Variants in CSNK1G3 observed in about 807,000 individuals in gnomAD.
CSNK1G3 encodes the protein casein kinase 1 gamma 3.
CSNK1G3 carries 23 observed loss-of-function variants against 64.3 expected under a neutral mutation model. The ratio of observed to expected loss-of-function variants is 0.36; its 90% CI spans 0.26 to 0.51. The LOEUF (loss-of-function observed/expected upper bound fraction) is 0.51. CSNK1G3 is among the 20% of genes least tolerant of loss of function. The pLI is 0.96. For missense variants in CSNK1G3, 357 were observed against 510.5 expected, an observed-to-expected ratio of 0.70 and a Z score of 2.90; for synonymous variants, 158 against 162.2, an observed-to-expected ratio of 0.97 and a Z score of 0.20.
chr5:123,552,383 A>T (rs370576717), intron 2 of CSNK1G3, among the ~76,000 whole-genome samples: 1 of 152,138 alleles, frequency 6.6e-6, no homozygotes, highest in African/African-American at 2.4e-5. Context: ...TGACTTCATG[A>T]TCCACCTGCC....
chr5:123,537,482 A>G (rs1174668601), intron 1 of CSNK1G3, among the ~76,000 whole-genome samples: 3 of 152,104 alleles, frequency 2.0e-5, no homozygotes, highest in African/African-American at 7.2e-5. Context: ...GGCACAATGT[A>G]CATGTTTTGG....
At chr5:123,547,555 C>T (rs12655826) in intron 2 of CSNK1G3, among the ~76,000 whole-genome samples, 13,195 of 152,024 alleles carry the variant, frequency 0.087, 613 homozygotes, top group South Asian at 0.12. Context: ...CTATATATGT[C>T]ATATACTGAA....
intron 6 of CSNK1G3, among the ~76,000 whole-genome samples, chr5:123,586,257 A>G (rs1362582647): frequency 3.3e-5 from 5 of 152,106 alleles, no homozygotes; most frequent in Non-Finnish European, 5.9e-5. Flanking sequence ...GGCTGATGGT[A>G]TTGTGGGGGT....
chr5:123,544,269 C>A (rs148193899), intron 1 of CSNK1G3, among the ~76,000 whole-genome samples: 3 of 152,146 alleles, frequency 2.0e-5, no homozygotes, highest in African/African-American at 7.2e-5. Context: ...TGCTTTCTTG[C>A]AAAGTGTTTT....
chr5:123,587,986 A>G (rs1791636930), intron 6 of CSNK1G3, 82 bp from the exon 7 acceptor site: 4 of 852,092 alleles, frequency 4.7e-6, no homozygotes, highest in Non-Finnish European at 7.4e-6. Flanking sequence ...ATTAATTTAT[A>G]CATAATGAAA....
At chr5:123,586,414 A>G (rs909591424) in intron 6 of CSNK1G3, among the ~76,000 whole-genome samples, 1 of 152,216 alleles carries the variant, frequency 6.6e-6, no homozygotes, top group Non-Finnish European at 1.5e-5. Flanking sequence ...AATTTTCGTT[A>G]TAAAAGTTAT....
At chr5:123,559,707 T>G (rs1435822332) in intron 4 of CSNK1G3, among the ~76,000 whole-genome samples, 1 of 151,668 alleles carries the variant, frequency 6.6e-6, no homozygotes, top group Non-Finnish European at 1.5e-5. Flanking sequence ...TTGTGGTTTT[T>G]TTTTTTTTTT....
chr5:123,584,094 A>G (rs1484434014), intron 6 of CSNK1G3, among the ~76,000 whole-genome samples: 2 of 152,202 alleles, frequency 1.3e-5, no homozygotes, highest in Non-Finnish European at 1.5e-5. Context: ...TTTTCTACAT[A>G]TACAATCCTG....
intron 1 of CSNK1G3, among the ~76,000 whole-genome samples, chr5:123,533,710 TTC>T (rs966979603): frequency 6.6e-6 from 1 of 151,884 alleles, no homozygotes; most frequent in African/African-American, 2.4e-5. Flanking sequence ...GTTATTATAC[TTC>T]TCAAAAGCCC....
intron 4 of CSNK1G3, among the ~76,000 whole-genome samples, chr5:123,568,026 G>C (rs1787274694): frequency 6.6e-6 from 1 of 152,158 alleles, no homozygotes. Context: ...AGTAGTAGTT[G>C]GTTGGCAAGA....
intron 12 of CSNK1G3, among the ~76,000 whole-genome samples, chr5:123,609,635 A>G (rs2092524575): frequency 6.6e-6 from 1 of 152,152 alleles, no homozygotes; most frequent in Non-Finnish European, 1.5e-5. Context: ...GGAGAGAGCA[A>G]ATGGATTTTA....
At chr5:123,533,682 T>G (rs1398683937) in intron 1 of CSNK1G3, among the ~76,000 whole-genome samples, 3 of 151,852 alleles carry the variant, frequency 2.0e-5, no homozygotes, top group Non-Finnish European at 4.4e-5. Context: ...GCAGCATTAT[T>G]TTCTTATATA....
At position 123,557,492 on chromosome 5, in the gene CSNK1G3, T is replaced by A; in HGVS notation, c.220-3T>A. ...TGTCTTTTTTTGTTTGTTTTTCAAT[T>A]AGGAGCCCATGAAATCAAGAGCACC... is the stretch of plus-strand genomic sequence containing the variant. On this transcript the variant is annotated splice_region_variant and splice_polypyrimidine_tract_variant and intron_variant, in intron 3 of 12. Transcript: ENST00000345990. 1 of 1,604,494 alleles carries A rather than the reference T, an allele frequency of 6.2e-7. No individual in the cohort carries two copies. Among genetic ancestry groups the A allele is most frequent in the Non-Finnish European group, 8.5e-7 (1 of 1,174,858 alleles).
In CSNK1G3 at chr5:123,556,036, C is replaced by G. The variant is rs145894760; in HGVS notation, c.220-1459C>G. ...TGGAAAGTACAGAAAAGTTAAGTAACTTGCTGAAAGTCACACAGCTAGAAA... is the reference window on the plus strand; with the variant it reads ...TGGAAAGTACAGAAAAGTTAAGTAAGTTGCTGAAAGTCACACAGCTAGAAA... On this transcript the variant is annotated intron_variant, in intron 3 of 12. Transcript: ENST00000345990. Among the ~76,000 whole-genome samples the G allele has an allele frequency of 4.9e-3, 751 of 152,148 alleles. 7 individuals carry two copies. Among genetic ancestry groups the G allele is most frequent in the African/African-American group, 0.017 (706 of 41,546 alleles).
chr5:123,588,255 T>C (rs1791687893), intron 7 of CSNK1G3, 102 bp downstream of exon 7: 1 of 1,097,332 alleles, frequency 9.1e-7, no homozygotes. Flanking sequence ...TTTTATTTTG[T>C]AAGTAGGCAT....
At chr5:123,596,469 C>T (rs1477554867) in intron 10 of CSNK1G3, among the ~76,000 whole-genome samples, 1 of 152,042 alleles carries the variant, frequency 6.6e-6, no homozygotes, top group Non-Finnish European at 1.5e-5. Context: ...ACAATTAAGG[C>T]ACTATTAGAA....
chr5:123,601,339 C>T (rs535251865), intron 10 of CSNK1G3, among the ~76,000 whole-genome samples: 130 of 152,162 alleles, frequency 8.5e-4, no homozygotes, highest in Middle Eastern at 3.4e-3. Context: ...CTCAAGTCAC[C>T]GGTGTTAAAT....
At chr5:123,588,230 T>A in intron 7 of CSNK1G3, 77 bp downstream of exon 7, 1 of 1,217,658 alleles carries the variant, frequency 8.2e-7, no homozygotes, top group African/African-American at 1.5e-5. Context: ...ACTAAACAGT[T>A]TTCATATTTT....
At chr5:123,612,319 T>A (rs1379982731) in intron 12 of CSNK1G3, among the ~76,000 whole-genome samples, 1 of 152,186 alleles carries the variant, frequency 6.6e-6, no homozygotes, top group Non-Finnish European at 1.5e-5. Flanking sequence ...ATAAATAATT[T>A]AAAATTATTT....
Sources: gnomAD v4.1 joint callset for allele counts (sites outside exome capture counted in the v4.1 genomes callset) on GRCh38, gnomAD v4.1.1 for gene constraint, MANE v1.5 for transcripts, NCBI Gene and HGNC (gene_info 2026-07-23, HGNC 2026-07-21) for gene names.